CD99: variants seen among roughly 807,000 people sequenced by gnomAD.
The protein encoded by CD99 is CD99 antigen.
A neutral mutation model predicts 28.4 loss-of-function variants in CD99; 19 were observed. The ratio of observed to expected loss-of-function variants is 0.67; its 90% CI spans 0.47 to 0.98. CD99 has a LOEUF of 0.98. Ranked by LOEUF, CD99 falls within the 50% of genes least tolerant of loss-of-function variation. The probability of loss-of-function intolerance (pLI) is 0.00; values close to 1 mark genes in which losing one functional copy is unlikely to be tolerated. For synonymous variants in CD99, 103 were observed against 92.1 expected, an observed-to-expected ratio of 1.12 and a Z score of -0.67; for missense variants, 283 against 248.8, an observed-to-expected ratio of 1.14 and a Z score of -0.92.
intron 8 of CD99, among the ~76,000 whole-genome samples, chrX:2,737,437 A>G (rs2050002714): frequency 6.6e-6 from 1 of 150,568 alleles, no homozygotes; most frequent in Non-Finnish European, 1.5e-5. Flanking sequence ...GGCCTCCCAA[A>G]GTGGTGGGAT....
intron 1 of CD99, among the ~76,000 whole-genome samples, chrX:2,704,502 C>T (rs913883423): frequency 6.6e-6 from 1 of 152,088 alleles, no homozygotes; most frequent in Non-Finnish European, 1.5e-5. Context: ...GGCACAGTCT[C>T]GGCTCACTGC....
Position 2,699,789 on chromosome X carries a change from C to A in CD99, c.67+8362C>A, listed in dbSNP as rs1441513649. 4.6e-5 allele frequency among the ~76,000 whole-genome samples: 7 copies of A among 152,178 alleles called. No individual in the cohort carries two copies. In the East Asian group the frequency reaches 1.3e-3, roughly 29 times the overall value. On this transcript the variant is annotated intron_variant, in intron 1 of 9. Transcript: ENST00000381192. ...ATTTTTAAAAAGCCCCTCGGAGGGT[C>A]TTCATGTGTGGCTGAGTTGTCAAGA... is the stretch of plus-strand genomic sequence containing the variant.
intron 1 of CD99, among the ~76,000 whole-genome samples, chrX:2,709,198 CACAT>C (rs972111936): frequency 3.9e-4 from 29 of 74,464 alleles, no homozygotes; most frequent in Admixed American, 1.1e-3. Flanking sequence ...CATACACAGG[CACAT>C]ACATGCATGC....
At chrX:2,733,336 G>A (rs311091) in intron 8 of CD99, 26 of 1,571,228 alleles carry the variant, frequency 1.7e-5, no homozygotes, top group African/African-American at 6.8e-5. Context: ...ATTTTTTATC[G>A]TTTTCAACCT....
intron 1 of CD99, among the ~76,000 whole-genome samples, chrX:2,696,509 T>C (rs2047582278): frequency 6.6e-6 from 1 of 152,178 alleles, no homozygotes; most frequent in South Asian, 2.1e-4. Context: ...CAAGCAATTC[T>C]CCTGTCTCAG....
rs1486603378 is a variant in CD99 at position 2,708,662 on chromosome X, C to T, written c.68-5760C>T. Among the ~76,000 whole-genome samples the T allele has an allele frequency of 2.6e-5, 4 of 152,122 alleles. No individual in the cohort carries two copies. In the East Asian group the frequency reaches 7.7e-4, roughly 29 times the overall value. On this transcript the variant is annotated intron_variant, in intron 1 of 9. Transcript: ENST00000381192. Reference sequence around the variant, plus strand: ...GGGGCTGAGGCGAGTTCTCCAAGGACTAGGGCTAAGGGCAGAGGGTGGGAG... The same window carrying T: ...GGGGCTGAGGCGAGTTCTCCAAGGATTAGGGCTAAGGGCAGAGGGTGGGAG...
At chrX:2,729,969 A>G (rs1412014513) in intron 8 of CD99, among the ~76,000 whole-genome samples, 4 of 151,926 alleles carry the variant, frequency 2.6e-5, no homozygotes, top group Non-Finnish European at 5.9e-5. Flanking sequence ...CCTGGGCAAC[A>G]TAGTGAAACC....
At chrX:2,691,835 G>T (rs761086986) in intron 1 of CD99, 10 of 777,734 alleles carry the variant, frequency 1.3e-5, no homozygotes, top group African/African-American at 1.2e-4. Context: ...CCGCCCTGGA[G>T]TTGCCTGTCA....
chrX:2,733,212 C>A, intron 8 of CD99: 2 of 828,002 alleles, frequency 2.4e-6, no homozygotes, highest in Non-Finnish European at 4.0e-6. Flanking sequence ...ACACTTTGAG[C>A]CTCTATCCCA....
intron 1 of CD99, 30 bp downstream of exon 1, chrX:2,691,457 G>T (rs371181717): frequency 2.5e-6 from 4 of 1,569,188 alleles, no homozygotes; most frequent in Middle Eastern, 2.2e-4. Flanking sequence ...CGGGTTGGGG[G>T]ACGCGGAGGG....
intron 1 of CD99, among the ~76,000 whole-genome samples, chrX:2,710,668 G>A (rs1206121623): frequency 6.6e-6 from 1 of 151,516 alleles, no homozygotes; most frequent in Non-Finnish European, 1.5e-5. Context: ...GGTGGAGGGG[G>A]TGGGGACTTG....
At chrX:2,726,218 C>G in intron 7 of CD99, 42 bp from the exon 8 acceptor site, 1 of 1,231,156 alleles carries the variant, frequency 8.1e-7, no homozygotes, top group Non-Finnish European at 1.2e-6. Context: ...TTCTCTGCAC[C>G]GTGCGTGTCT....
intron 1 of CD99, 168 bp downstream of exon 1, chrX:2,691,595 C>T (rs1363827884): frequency 2.5e-5 from 19 of 752,046 alleles, no homozygotes; most frequent in Non-Finnish European, 4.4e-5. Flanking sequence ...AGGAGGCGCC[C>T]ACTTTCTCCC....
intron 8 of CD99, 60 bp downstream of exon 8, chrX:2,726,433 T>C (rs764489054): frequency 3.1e-5 from 35 of 1,139,134 alleles, no homozygotes; most frequent in Non-Finnish European, 4.7e-5. Flanking sequence ...AACTGTGCTT[T>C]CTTTAAAAGG....
At chrX:2,726,953 T>C (rs1365257519) in intron 8 of CD99, among the ~76,000 whole-genome samples, 2 of 152,022 alleles carry the variant, frequency 1.3e-5, no homozygotes, top group Non-Finnish European at 1.5e-5. Flanking sequence ...CTGGGTAACA[T>C]GGTGAAACCC....
intron 1 of CD99, among the ~76,000 whole-genome samples, chrX:2,700,014 A>G (rs1189693836): frequency 2.6e-5 from 4 of 152,138 alleles, no homozygotes; most frequent in Admixed American, 2.6e-4. Flanking sequence ...AGAGTTCAGG[A>G]GCTTGCTGGT....
chrX:2,726,480 C>T (rs769594329), intron 8 of CD99, 107 bp downstream of exon 8: 53 of 758,756 alleles, frequency 7.0e-5, no homozygotes, highest in Admixed American at 4.4e-4. Flanking sequence ...AACAGGTGCA[C>T]GATGGCTGAT....
At chrX:2,727,600 C>A (rs1257874611) in intron 8 of CD99, among the ~76,000 whole-genome samples, 1 of 152,178 alleles carries the variant, frequency 6.6e-6, no homozygotes, top group Non-Finnish European at 1.5e-5. Context: ...CCTCAGCCTC[C>A]TGAGTAGCTG....
intron 1 of CD99, among the ~76,000 whole-genome samples, chrX:2,705,239 C>T (rs959621328): frequency 4.6e-5 from 7 of 152,170 alleles, no homozygotes; most frequent in Non-Finnish European, 7.3e-5. Flanking sequence ...GAGTTCCTTG[C>T]ACTTGTCTGT....
Sources: gnomAD v4.1 joint callset for allele counts (sites outside exome capture counted in the v4.1 genomes callset) on GRCh38, gnomAD v4.1.1 for gene constraint, MANE v1.5 for transcripts, NCBI Gene and HGNC (gene_info 2026-07-23, HGNC 2026-07-21) for gene names.